Variants in CAMK1D observed in about 807,000 individuals in gnomAD.
CAMK1D encodes the protein calcium/calmodulin-dependent protein kinase type 1D.
A neutral mutation model predicts 47.7 loss-of-function variants in CAMK1D; 9 were observed. The ratio of observed to expected loss-of-function variants is 0.19; its 90% confidence interval spans 0.11 to 0.33. The LOEUF (loss-of-function observed/expected upper bound fraction) is 0.33. Ranked by LOEUF, CAMK1D falls within the 10% of genes least tolerant of loss-of-function variation. CAMK1D has a pLI of 1.00. For synonymous variants in CAMK1D, 184 were observed against 184.9 expected, an observed-to-expected ratio of 0.99 and a Z score of 0.04; for missense variants, 291 against 488.7, an observed-to-expected ratio of 0.60 and a Z score of 3.81.
intron 1 of CAMK1D, among the ~76,000 whole-genome samples, chr10:12,362,728 T>C (rs1837710958): frequency 6.6e-6 from 1 of 152,210 alleles, no homozygotes; most frequent in Non-Finnish European, 1.5e-5. Context: ...GTCAGGATAG[T>C]CGCGATCTCC....
intron 2 of CAMK1D, among the ~76,000 whole-genome samples, chr10:12,610,933 T>G (rs142085562): frequency 0.012 from 1,805 of 152,298 alleles, 37 homozygotes; most frequent in African/African-American, 0.041. Flanking sequence ...CGATAACCCC[T>G]TAAGGGAACA....
Position 12,523,611 on chromosome 10 carries a change from G to A in CAMK1D, c.93-29614G>A, listed in dbSNP as rs193110100. 1.3e-3 allele frequency among the ~76,000 whole-genome samples: 205 copies of A among 152,344 alleles called. 1 individual carries two copies. The highest frequency in any genetic ancestry group is 4.8e-3 in the African/African-American group (198 of 41,588). On this transcript the variant is annotated intron_variant, in intron 1 of 10. Transcript: ENST00000619168. ...AATACGAAAACCAGTCAGGCGTGGC[G>A]GATCACGCCTGCAATCGCAGGCACT...
intron 1 of CAMK1D, among the ~76,000 whole-genome samples, chr10:12,466,957 T>G (rs1571212): frequency 0.27 from 40,920 of 151,836 alleles, 6,161 homozygotes; most frequent in Non-Finnish European, 0.33. Context: ...GCCAAAAGGC[T>G]TATAGGGTTT....
At chr10:12,517,490 T>C (rs757786459) in intron 1 of CAMK1D, among the ~76,000 whole-genome samples, 11 of 152,358 alleles carry the variant, frequency 7.2e-5, no homozygotes, top group South Asian at 6.2e-4. Context: ...CCCTAAAGTA[T>C]GATGTTAGCT....
chr10:12,446,054 A>G (rs1832915732), intron 1 of CAMK1D, among the ~76,000 whole-genome samples: 1 of 152,218 alleles, frequency 6.6e-6, no homozygotes. Context: ...TATGAAATAC[A>G]GTCTCTTTGC....
At chr10:12,388,208 G>A (rs569635727) in intron 1 of CAMK1D, among the ~76,000 whole-genome samples, 1 of 152,174 alleles carries the variant, frequency 6.6e-6, no homozygotes, top group Non-Finnish European at 1.5e-5. Context: ...TGCGTTTTTA[G>A]TAGAGATGGG....
chr10:12,355,461 CGTGT>C (rs373427147), intron 1 of CAMK1D, among the ~76,000 whole-genome samples: 3 of 150,630 alleles, frequency 2.0e-5, no homozygotes, highest in Admixed American at 6.6e-5. Context: ...TTTGTGTGTG[CGTGT>C]GTGTGTGTGT....
Position 12,675,310 on chromosome 10 carries a change from A to G in CAMK1D, c.299+8500A>G, listed in dbSNP as rs955539422. Among the ~76,000 whole-genome samples, 9 of 152,174 alleles carry G rather than the reference A, an allele frequency of 5.9e-5. No individual in the cohort carries two copies. The South Asian group carries it at 6.2e-4, about 11-fold the overall frequency. On this transcript the variant is annotated intron_variant, in intron 3 of 10. Coordinates refer to ENST00000619168, the MANE Select transcript of CAMK1D (RefSeq NM_153498.4). ...GCCCTGTCCAGAACTCTAAGCTTGT[A>G]TATCCAACTGTCTTCTCAGCAGTTC...
rs1220975262 is a variant in CAMK1D, at chr10:12,736,506, C to T, written c.300-24442C>T. On this transcript the variant is annotated intron_variant, in intron 3 of 10. Transcript: ENST00000619168. The stretch of plus-strand genomic sequence containing the variant: ...AGAAGTGCAAAACAAATTATAATAT[C>T]CTTGAAAGTTTTCTGGCACTTCTTA... 2.5e-4 allele frequency among the ~76,000 whole-genome samples: 38 copies of T among 152,012 alleles called. 1 individual carries two copies. The highest frequency in any genetic ancestry group is 2.5e-3 in the Admixed American group (38 of 15,266).
chr10:12,543,549 T>G (rs1476374088), intron 1 of CAMK1D, among the ~76,000 whole-genome samples: 2 of 152,000 alleles, frequency 1.3e-5, no homozygotes, highest in Non-Finnish European at 2.9e-5. Context: ...AGGTCTGGAG[T>G]TAAGATGCTC....
intron 1 of CAMK1D, among the ~76,000 whole-genome samples, chr10:12,424,533 C>T (rs995618344): frequency 2.6e-5 from 4 of 152,196 alleles, no homozygotes; most frequent in Non-Finnish European, 5.9e-5. Flanking sequence ...TGAATTTCTC[C>T]AGCAGCGCCT....
intron 1 of CAMK1D, among the ~76,000 whole-genome samples, chr10:12,386,263 A>T (rs1838491960): frequency 6.6e-6 from 1 of 152,096 alleles, no homozygotes. Flanking sequence ...ACATAGTGAG[A>T]CCCTGTCTCT....
rs58311714 is a variant in CAMK1D at position 12,440,691 on chromosome 10, A to T, written c.92+90781A>T. Among the ~76,000 whole-genome samples, 1,151 of 152,342 alleles carry T rather than the reference A, an allele frequency of 7.6e-3. 12 individuals are homozygous for T. Among genetic ancestry groups the T allele is most frequent in the African/African-American group, 0.026 (1,094 of 41,574 alleles). On this transcript the variant is annotated intron_variant, in intron 1 of 10. Coordinates refer to ENST00000619168, the MANE Select transcript of CAMK1D (RefSeq NM_153498.4). ...TGGATAAATTATACCTCAATAAAGT[A>T]TATGAGATACGGTGTATGCCAGGTG...
intron 1 of CAMK1D, among the ~76,000 whole-genome samples, chr10:12,537,481 T>C (rs1196086328): frequency 1.3e-5 from 2 of 152,258 alleles, no homozygotes; most frequent in African/African-American, 4.8e-5. Context: ...CTCTCCCACA[T>C]AACTTTACCT....
chr10:12,445,538 C>G (rs1025031945), intron 1 of CAMK1D, among the ~76,000 whole-genome samples: 1 of 152,138 alleles, frequency 6.6e-6, no homozygotes, highest in Non-Finnish European at 1.5e-5. Context: ...AGTAGACAGA[C>G]TTTTCTTTGG....
chr10:12,503,235 T>TTG (rs1190606273), intron 1 of CAMK1D, among the ~76,000 whole-genome samples: 1 of 152,106 alleles, frequency 6.6e-6, no homozygotes, highest in Non-Finnish European at 1.5e-5. Flanking sequence ...TCTGTGTGTG[T>TTG]TGTGTGTGTG....
intron 3 of CAMK1D, among the ~76,000 whole-genome samples, chr10:12,677,780 G>A (rs934749314): frequency 1.3e-5 from 2 of 152,106 alleles, no homozygotes; most frequent in Non-Finnish European, 2.9e-5. Flanking sequence ...TGAGGGTTTG[G>A]TCTGTGAGGG....
intron 3 of CAMK1D, among the ~76,000 whole-genome samples, chr10:12,704,523 G>A (rs1833655251): frequency 6.6e-6 from 1 of 151,984 alleles, no homozygotes; most frequent in Admixed American, 6.6e-5. Flanking sequence ...AAAAGAAGAG[G>A]TTGTTTGATG....
chr10:12,473,822 T>C lies in CAMK1D; in HGVS notation c.93-79403T>C, dbSNP rs1208790271. Among the ~76,000 whole-genome samples the C allele has an allele frequency of 4.6e-5, 7 of 152,300 alleles. No individual in the cohort carries two copies. The East Asian group carries it at 1.4e-3, about 29-fold the overall frequency. On this transcript the variant is annotated intron_variant, in intron 1 of 10. Coordinates refer to ENST00000619168, the MANE Select transcript of CAMK1D (RefSeq NM_153498.4). ...TCAAATTTGTCAAGGTAATTCCTTATCCTGAGAGACACATGGAGATTTGAA... is the reference window on the plus strand; with the variant it reads ...TCAAATTTGTCAAGGTAATTCCTTACCCTGAGAGACACATGGAGATTTGAA...
Sources: gnomAD v4.1 joint callset for allele counts (sites outside exome capture counted in the v4.1 genomes callset) on GRCh38, gnomAD v4.1.1 for gene constraint, MANE v1.5 for transcripts, NCBI Gene and HGNC (gene_info 2026-07-23, HGNC 2026-07-21) for gene names.